GRIA1: variants seen among roughly 807,000 people sequenced by gnomAD.
GRIA1 encodes the protein glutamate ionotropic receptor AMPA type subunit 1.
GRIA1 carries 31 observed loss-of-function variants against 99.2 expected under a neutral mutation model. The observed-to-expected ratio is 0.31, with a 90% CI of 0.23 to 0.42. The LOEUF (loss-of-function observed/expected upper bound fraction) is 0.42. GRIA1 is among the 10% of genes least tolerant of loss of function. The probability of loss-of-function intolerance (pLI) is 1.00; values close to 1 mark genes in which losing one functional copy is unlikely to be tolerated. For synonymous variants in GRIA1, 438 were observed against 432.4 expected (o/e 1.01, Z -0.16); for missense variants, 782 against 1,157.5 (o/e 0.68, Z 4.71).
intron 5 of GRIA1, among the ~76,000 whole-genome samples, chr5:153,667,063 T>G (rs1581432079): frequency 6.6e-6 from 1 of 152,248 alleles, no homozygotes; most frequent in African/African-American, 2.4e-5. Flanking sequence ...TCAATGGAGC[T>G]GTCATCTAAG....
In GRIA1 at chr5:153,655,816, T is replaced by C. The variant is rs1217723852; in HGVS notation, c.646-3T>C. On this transcript the variant is annotated splice_region_variant and splice_polypyrimidine_tract_variant and intron_variant, in intron 4 of 15. Transcript: ENST00000285900. ...ATGAGTCTCCACCTATTATGTTTTGTAGATTATAAAGCTAGAGAAGAATGG... is the reference window on the plus strand; with the variant it reads ...ATGAGTCTCCACCTATTATGTTTTGCAGATTATAAAGCTAGAGAAGAATGG... 1 of 1,612,374 alleles carries C rather than the reference T, an allele frequency of 6.2e-7. No homozygotes were observed. The highest frequency in any genetic ancestry group is 8.5e-7 in the Non-Finnish European group (1 of 1,178,746).
chr5:153,623,190 G>A (rs1349407372), intron 2 of GRIA1, among the ~76,000 whole-genome samples: 1 of 152,166 alleles, frequency 6.6e-6, no homozygotes, highest in Non-Finnish European at 1.5e-5. Flanking sequence ...AATGTGGATG[G>A]TGAATACTCG....
intron 2 of GRIA1, among the ~76,000 whole-genome samples, chr5:153,636,888 C>T (rs1477848036): frequency 6.6e-6 from 1 of 152,196 alleles, no homozygotes; most frequent in East Asian, 1.9e-4. Flanking sequence ...GATGGACTCT[C>T]AGGGGATGGA....
chr5:153,609,513 C>T (rs1050779987), intron 2 of GRIA1, among the ~76,000 whole-genome samples: 2 of 151,672 alleles, frequency 1.3e-5, no homozygotes, highest in Admixed American at 6.6e-5. Context: ...TTCTCATTCA[C>T]CTTAGCCCAG....
chr5:153,628,053 G>T (rs1254890107), intron 2 of GRIA1, among the ~76,000 whole-genome samples: 7 of 152,218 alleles, frequency 4.6e-5, no homozygotes, highest in African/African-American at 1.7e-4. Context: ...CTTGCTTTAG[G>T]TGTAGTGTGA....
At chr5:153,589,334 C>T (rs778817) in intron 2 of GRIA1, among the ~76,000 whole-genome samples, 75,244 of 151,972 alleles carry the variant, frequency 0.5, 22,421 homozygotes, top group East Asian at 0.8. Flanking sequence ...GTTGGTTTAT[C>T]TCTTCAAATG....
chr5:153,593,808 G>A (rs530819610), intron 2 of GRIA1, among the ~76,000 whole-genome samples: 91 of 152,158 alleles, frequency 6.0e-4, no homozygotes, highest in Non-Finnish European at 1.1e-3. Flanking sequence ...AACACTTTTC[G>A]CTAGTTCAGG....
At chr5:153,731,299 A>C (rs1274244880) in intron 11 of GRIA1, among the ~76,000 whole-genome samples, 1 of 143,026 alleles carries the variant, frequency 7.0e-6, no homozygotes, top group African/African-American at 2.6e-5. Flanking sequence ...TCCATTCCAA[A>C]CTCCTGGGCC....
intron 2 of GRIA1, among the ~76,000 whole-genome samples, chr5:153,513,356 A>T (rs546780945): frequency 2.0e-5 from 3 of 152,226 alleles, no homozygotes; most frequent in Non-Finnish European, 4.4e-5. Flanking sequence ...TAGACCAAGA[A>T]AATATGCACA....
chr5:153,686,131 A>C, intron 7 of GRIA1, 94 bp from the exon 8 acceptor site: 1 of 884,802 alleles, frequency 1.1e-6, no homozygotes, highest in South Asian at 1.4e-5. Context: ...TCCATGGAAC[A>C]CTCTTGGGTT....
intron 5 of GRIA1, among the ~76,000 whole-genome samples, chr5:153,663,045 A>T (rs752661721): frequency 6.6e-6 from 1 of 152,134 alleles, no homozygotes; most frequent in African/African-American, 2.4e-5. Flanking sequence ...GGAAAAGGAG[A>T]GTGGGTGGAT....
chr5:153,799,618 C>A (rs943645207), intron 14 of GRIA1, among the ~76,000 whole-genome samples: 1 of 152,154 alleles, frequency 6.6e-6, no homozygotes, highest in Non-Finnish European at 1.5e-5. Flanking sequence ...CCAGGTTCTC[C>A]CTTGATTCCA....
At chr5:153,611,137 T>C (rs936601195) in intron 2 of GRIA1, among the ~76,000 whole-genome samples, 8 of 152,212 alleles carry the variant, frequency 5.3e-5, no homozygotes, top group African/African-American at 1.9e-4. Flanking sequence ...AGCTATATTT[T>C]AAAAAGCTTG....
rs553738680 is a variant in GRIA1 at position 153,609,066 on chromosome 5, C to T, written c.221-37862C>T. Among the ~76,000 whole-genome samples, 5 of 152,270 alleles carry T rather than the reference C, an allele frequency of 3.3e-5. No homozygotes were observed. The South Asian group carries it at 8.3e-4, about 25-fold the overall frequency. ...CTAAAGTTGGGTTTAACAAGCTTCC[C>T]CCACTGCAATCACCATATTTTGGTC... On this transcript the variant is annotated intron_variant, in intron 2 of 15. Transcript: ENST00000285900.
chr5:153,726,556 G>T (rs1258198930), intron 11 of GRIA1, among the ~76,000 whole-genome samples: 1 of 151,912 alleles, frequency 6.6e-6, no homozygotes, highest in East Asian at 1.9e-4. Context: ...TAATAAAGGG[G>T]ATATCACCAC....
At chr5:153,669,855 C>T (rs71588097) in intron 5 of GRIA1, among the ~76,000 whole-genome samples, 9,481 of 152,192 alleles carry the variant, frequency 0.062, 309 homozygotes, top group Middle Eastern at 0.12. Flanking sequence ...GATGACAAAT[C>T]AGCTCATATT....
At chr5:153,778,384 T>C (rs1403254825) in intron 13 of GRIA1, among the ~76,000 whole-genome samples, 1 of 152,060 alleles carries the variant, frequency 6.6e-6, no homozygotes, top group African/African-American at 2.4e-5. Context: ...TTATTTAGCA[T>C]TTTAGGGGTG....
chr5:153,544,173 A>G (rs1376510239), intron 2 of GRIA1, among the ~76,000 whole-genome samples: 1 of 152,238 alleles, frequency 6.6e-6, no homozygotes, highest in Non-Finnish European at 1.5e-5. Context: ...GGGATTATGC[A>G]GGAACCCCAA....
chr5:153,629,323 C>A (rs1158227424), intron 2 of GRIA1, among the ~76,000 whole-genome samples: 2 of 152,230 alleles, frequency 1.3e-5, no homozygotes, highest in African/African-American at 4.8e-5. Flanking sequence ...GACTCCGGGG[C>A]CTTCACAGCT....
Sources: allele counts gnomAD v4.1 joint callset (sites outside exome capture counted in the v4.1 genomes callset), GRCh38; gene constraint gnomAD v4.1.1; transcripts MANE v1.5; gene names NCBI Gene and HGNC (gene_info 2026-07-23, HGNC 2026-07-21).